The following ABCG2 variants were observed in gnomAD, a reference collection of about 807,000 sequenced individuals.
The protein encoded by ABCG2 is ATP binding cassette subfamily G member 2 (JR blood group).
In ABCG2, 80 loss-of-function variants were observed where a neutral mutation model predicts 73.5. That is an observed-to-expected ratio of 1.09 (90% CI 0.91 to 1.31). The LOEUF is 1.31. Ranked by LOEUF, ABCG2 falls within the 50% of genes most tolerant of loss-of-function variation. The pLI is 0.00. For missense variants in ABCG2, 796 were observed against 786.2 expected, an observed-to-expected ratio of 1.01 and a Z score of -0.15; for synonymous variants, 269 against 282.4, an observed-to-expected ratio of 0.95 and a Z score of 0.48.
intron 1 of ABCG2, among the ~76,000 whole-genome samples, chr4:88,191,699 A>G (rs2110107740): frequency 6.6e-6 from 1 of 152,322 alleles, no homozygotes; most frequent in African/African-American, 2.4e-5. Flanking sequence ...TAAAAATTGG[A>G]AACCTGAATA....
intron 1 of ABCG2, among the ~76,000 whole-genome samples, chr4:88,216,477 G>A (rs574353149): frequency 1.2e-4 from 18 of 152,280 alleles, no homozygotes; most frequent in African/African-American, 3.6e-4. Flanking sequence ...CAGTGGCTCC[G>A]TGTGCAAACT....
At chr4:88,097,711 AT>A in intron 12 of ABCG2, 104 bp from the exon 13 acceptor site, 1 of 1,290,574 alleles carries the variant, frequency 7.7e-7, no homozygotes, top group Non-Finnish European at 1.1e-6. Context: ...AGAAACTAAT[AT>A]TAGAATGAAA....
intron 10 of ABCG2, among the ~76,000 whole-genome samples, chr4:88,105,761 G>C (rs939146160): frequency 2.0e-5 from 3 of 152,216 alleles, no homozygotes; most frequent in African/African-American, 7.2e-5. Context: ...ACAACCCACA[G>C]AGTGGGGAAA....
chr4:88,141,225 A>G (rs1005009574), intron 1 of ABCG2, among the ~76,000 whole-genome samples: 11 of 152,180 alleles, frequency 7.2e-5, no homozygotes, highest in African/African-American at 2.4e-4. Context: ...CTGTCTGATA[A>G]AAGCAACCAA....
chr4:88,094,147 G>A (rs945245920), intron 15 of ABCG2, among the ~76,000 whole-genome samples: 6 of 152,190 alleles, frequency 3.9e-5, no homozygotes, highest in Admixed American at 1.3e-4. Flanking sequence ...ACTACTGTCC[G>A]TGGGTTGGGC....
chr4:88,146,968 G>C (rs1459328903), intron 1 of ABCG2, among the ~76,000 whole-genome samples: 1 of 106,198 alleles, frequency 9.4e-6, no homozygotes, highest in Non-Finnish European at 1.9e-5. Context: ...GGAGGGAACA[G>C]GAGAAAGAAA....
intron 1 of ABCG2, among the ~76,000 whole-genome samples, chr4:88,177,646 A>G (rs779848509): frequency 2.0e-5 from 3 of 152,120 alleles, no homozygotes; most frequent in African/African-American, 7.2e-5. Context: ...TTTTAACTTC[A>G]TATCATTGAA....
intron 9 of ABCG2, among the ~76,000 whole-genome samples, chr4:88,109,639 T>C (rs1234792076): frequency 6.6e-6 from 1 of 152,234 alleles, no homozygotes; most frequent in Non-Finnish European, 1.5e-5. Context: ...AATCTTCTCA[T>C]ACAGATAATC....
intron 15 of ABCG2, among the ~76,000 whole-genome samples, chr4:88,093,635 G>A (rs1469728395): frequency 6.6e-6 from 1 of 151,424 alleles, no homozygotes; most frequent in Non-Finnish European, 1.5e-5. Context: ...ACTTCATCCT[G>A]ACCACCCTGA....
intron 1 of ABCG2, among the ~76,000 whole-genome samples, chr4:88,211,704 A>T (rs1015590520): frequency 1.3e-5 from 2 of 152,214 alleles, no homozygotes; most frequent in Non-Finnish European, 2.9e-5. Context: ...GGCGTGAGCC[A>T]CTGTGCCCGG....
At chr4:88,131,410 CCCT>C (rs1217071862) in intron 4 of ABCG2, among the ~76,000 whole-genome samples, 197 bp from the exon 5 acceptor site, 4 of 152,122 alleles carry the variant, frequency 2.6e-5, no homozygotes, top group African/African-American at 7.2e-5. Context: ...ATTTTTCACC[CCCT>C]ATCTGTACAC....
chr4:88,123,046 T>G (rs1724122470), intron 5 of ABCG2, among the ~76,000 whole-genome samples: 2 of 152,148 alleles, frequency 1.3e-5, no homozygotes, highest in South Asian at 2.1e-4. Context: ...GGGTCTGGAG[T>G]GGACCTGCAG....
chr4:88,147,111 A>G lies in ABCG2; in HGVS notation c.-19-7097T>C, dbSNP rs1296839505. Among the ~76,000 whole-genome samples, 3 of 152,176 alleles carry G rather than the reference A, an allele frequency of 2.0e-5. No individual in the cohort carries two copies. The East Asian group carries it at 5.8e-4, about 29-fold the overall frequency. On this transcript the variant is annotated intron_variant, in intron 1 of 15. Transcript: ENST00000237612. ...GAAAAAAGAAGAGAGAAAAGGAAGG[A>G]AAGAAAGTAAAAAAGAAAACTAAAA...
chr4:88,166,276 G>A (rs1020653362), intron 1 of ABCG2, among the ~76,000 whole-genome samples: 2 of 152,158 alleles, frequency 1.3e-5, no homozygotes, highest in Non-Finnish European at 2.9e-5. Flanking sequence ...CCTGAATGAC[G>A]AATTGCATAA....
chr4:88,222,713 C>CA (rs1392015004), intron 1 of ABCG2, among the ~76,000 whole-genome samples: 1 of 152,222 alleles, frequency 6.6e-6, no homozygotes, highest in African/African-American at 2.4e-5. Flanking sequence ...AGCCCCCACA[C>CA]AGAGTCCCCA....
At chr4:88,132,149 TA>T (rs1724935430) in intron 3 of ABCG2, among the ~76,000 whole-genome samples, 2 of 152,160 alleles carry the variant, frequency 1.3e-5, no homozygotes, top group African/African-American at 2.4e-5. Flanking sequence ...CCCCAAAACA[TA>T]AAGCAAGACA....
rs183275332 is a variant in ABCG2, at chr4:88,180,186, A to G, written c.-19-40172T>C. Among the ~76,000 whole-genome samples the G allele has an allele frequency of 2.5e-3, 387 of 152,314 alleles. 2 individuals are homozygous for G. Among genetic ancestry groups the G allele is most frequent in the African/African-American group, 8.8e-3 (367 of 41,582 alleles). On this transcript the variant is annotated intron_variant, in intron 1 of 15. Transcript: ENST00000515655. ...TCCTAAAAGCAGCAAGAGAAAGGAA[A>G]TAAGTAACATATAATGGAGCTCTAA...
intron 1 of ABCG2, among the ~76,000 whole-genome samples, chr4:88,151,936 G>T (rs898848684): frequency 6.6e-6 from 1 of 152,050 alleles, no homozygotes; most frequent in Non-Finnish European, 1.5e-5. Flanking sequence ...TCTAATCCAC[G>T]GGTACAGTTA....
chr4:88,218,213 G>A (rs1211519216), intron 1 of ABCG2, among the ~76,000 whole-genome samples: 1 of 152,074 alleles, frequency 6.6e-6, no homozygotes, highest in Non-Finnish European at 1.5e-5. Context: ...GTTTAAAATT[G>A]CAAAACCTTT....
Sources: gnomAD v4.1 joint callset for allele counts (sites outside exome capture counted in the v4.1 genomes callset) on GRCh38, gnomAD v4.1.1 for gene constraint, MANE v1.5 for transcripts, NCBI Gene and HGNC (gene_info 2026-07-23, HGNC 2026-07-21) for gene names.